PHF24: variants seen among roughly 807,000 people sequenced by gnomAD.
PHF24 encodes PHD finger protein 24.
PHF24 carries 25 observed loss-of-function variants against 42.6 expected under a neutral mutation model. The observed-to-expected ratio is 0.59, with a 90% CI of 0.43 to 0.82. The LOEUF is 0.82. Among genes scored for constraint, PHF24 ranks in the 40% least tolerant of loss-of-function variants. PHF24 has a pLI of 0.00. For synonymous variants in PHF24, 185 were observed against 204.8 expected (o/e 0.90, Z 0.83); for missense variants, 470 against 538.1 (o/e 0.87, Z 1.25).
At chr9:34,913,589 A>C in the PHF24 span, among the ~76,000 whole-genome samples, 87 of 152,324 alleles carry the variant, frequency 5.7e-4, 1 homozygote, top group Middle Eastern at 3.4e-3. Context: ...AACCTAGCAA[A>C]GTTTAGTTTT....
the PHF24 span, among the ~76,000 whole-genome samples, chr9:34,886,736 ATATC>A: frequency 4.3e-4 from 64 of 148,250 alleles, no homozygotes; most frequent in East Asian, 1.6e-3. Flanking sequence ...TCATGGTTTT[ATATC>A]TATCTATCTA....
chr9:34,717,873 G>A, the PHF24 span, among the ~76,000 whole-genome samples: 2 of 152,214 alleles, frequency 1.3e-5, no homozygotes, highest in Non-Finnish European at 1.5e-5. Flanking sequence ...GGGTCCATGT[G>A]AGTTTGTCTT....
the PHF24 span, chr9:34,724,546 C>A: frequency 4.5e-6 from 7 of 1,549,092 alleles, no homozygotes; most frequent in Admixed American, 9.8e-5. Flanking sequence ...TCTCTAGGAC[C>A]TTTTTTCTCA....
At chr9:34,673,364 AAAAG>A in the PHF24 span, among the ~76,000 whole-genome samples, 293 of 152,086 alleles carry the variant, frequency 1.9e-3, 2 homozygotes, top group African/African-American at 6.4e-3. Context: ...AAAAAAAAAA[AAAAG>A]AGAGGAATTG....
the PHF24 span, among the ~76,000 whole-genome samples, chr9:34,765,341 C>A: frequency 6.7e-6 from 1 of 149,258 alleles, no homozygotes; most frequent in African/African-American, 2.4e-5. Context: ...GTCTAAGTCT[C>A]TTTGTAGGTC....
chr9:34,952,894 T>C (rs1028938706), upstream of PHF24, among the ~76,000 whole-genome samples: 1 of 152,228 alleles, frequency 6.6e-6, no homozygotes, highest in Non-Finnish European at 1.5e-5. Flanking sequence ...TTCAACAAAG[T>C]GTGCTAAAAC....
chr9:34,935,593 G>GGA, the PHF24 span, among the ~76,000 whole-genome samples: 2 of 122,620 alleles, frequency 1.6e-5, no homozygotes, highest in Admixed American at 8.6e-5. Context: ...GACTTCATCT[G>GGA]AAAAAAAAAA....
At chr9:34,833,638 CA>C in the PHF24 span, 1 of 1,534,050 alleles carries the variant, frequency 6.5e-7, no homozygotes. Flanking sequence ...TTAGTTTGGT[CA>C]AGATATGTGT....
the PHF24 span, among the ~76,000 whole-genome samples, chr9:34,886,738 A>ATCTGTCTGTCTGTCTG: frequency 7.0e-6 from 1 of 141,864 alleles, no homozygotes; most frequent in African/African-American, 2.9e-5. Flanking sequence ...ATGGTTTTAT[A>ATCTGTCTGTCTGTCTG]TCTATCTATC....
At chr9:34,907,430 C>T in the PHF24 span, among the ~76,000 whole-genome samples, 1 of 152,120 alleles carries the variant, frequency 6.6e-6, no homozygotes, top group Non-Finnish European at 1.5e-5. Flanking sequence ...ACTTGTATGC[C>T]TTTTCACCTA....
At chr9:34,747,818 C>G in the PHF24 span, among the ~76,000 whole-genome samples, 670 of 152,238 alleles carry the variant, frequency 4.4e-3, 5 homozygotes, top group Non-Finnish European at 7.2e-3. Flanking sequence ...AAGAGAAACA[C>G]ACACGTGTTC....
chr9:34,879,498 A>G, the PHF24 span, among the ~76,000 whole-genome samples: 4 of 151,004 alleles, frequency 2.6e-5, no homozygotes, highest in East Asian at 1.9e-4. Flanking sequence ...ACTAAACAGT[A>G]TAGACCTTAA....
At chr9:34,938,963 C>T in the PHF24 span, among the ~76,000 whole-genome samples, 4 of 138,222 alleles carry the variant, frequency 2.9e-5, no homozygotes, top group Non-Finnish European at 6.2e-5. Flanking sequence ...AAGCCATGAG[C>T]GTGATTTATT....
At chr9:34,872,067 G>A in the PHF24 span, among the ~76,000 whole-genome samples, 1 of 151,926 alleles carries the variant, frequency 6.6e-6, no homozygotes. Context: ...TCAGGGTTTT[G>A]CATATGTATA....
chr9:34,880,712 C>T, the PHF24 span, among the ~76,000 whole-genome samples: 1 of 152,098 alleles, frequency 6.6e-6, no homozygotes, highest in Non-Finnish European at 1.5e-5. Context: ...TAAAGCAAGT[C>T]CTTAGAGACC....
chr9:34,781,345 C>A, the PHF24 span, among the ~76,000 whole-genome samples: 2 of 152,004 alleles, frequency 1.3e-5, no homozygotes, highest in Non-Finnish European at 2.9e-5. Flanking sequence ...ATAAGTCAAA[C>A]AAAAAGGACA....
the PHF24 span, among the ~76,000 whole-genome samples, chr9:34,946,771 AG>A: frequency 8.7e-4 from 132 of 152,324 alleles, no homozygotes; most frequent in African/African-American, 3.0e-3. Context: ...AGCAGGTGCA[AG>A]GTCACAAAGA....
At chr9:34,746,741 T>C in the PHF24 span, among the ~76,000 whole-genome samples, 1 of 152,210 alleles carries the variant, frequency 6.6e-6, no homozygotes, top group Non-Finnish European at 1.5e-5. Context: ...AGGCATGCCC[T>C]GCTCCCAGAG....
At chr9:34,837,597 G>T in the PHF24 span, 12 of 1,337,636 alleles carry the variant, frequency 9.0e-6, no homozygotes, top group Non-Finnish European at 1.3e-5. Flanking sequence ...TAGAGGGACA[G>T]GATTCATAGG....
Sources: gnomAD v4.1 joint callset for allele counts (sites outside exome capture counted in the v4.1 genomes callset) on GRCh38, gnomAD v4.1.1 for gene constraint, MANE v1.5 for transcripts, NCBI Gene and HGNC (gene_info 2026-07-23, HGNC 2026-07-21) for gene names.